Variants in INPP4B observed in about 807,000 individuals in gnomAD.
The protein encoded by INPP4B is inositol polyphosphate 4-phosphatase type II.
Under a neutral mutation model 122.5 loss-of-function variants are expected in INPP4B, and 55 were observed. The observed-to-expected ratio is 0.45, with a 90% CI of 0.36 to 0.56. The LOEUF (loss-of-function observed/expected upper bound fraction) is 0.56. INPP4B is among the 20% of genes least tolerant of loss of function. INPP4B has a pLI of 0.00. For missense variants in INPP4B, 1,000 were observed against 1,097.7 expected, an observed-to-expected ratio of 0.91 and a Z score of 1.26; for synonymous variants, 403 against 388.7, an observed-to-expected ratio of 1.04 and a Z score of -0.43.
intron 2 of INPP4B, among the ~76,000 whole-genome samples, chr4:142,645,706 A>T (rs1220420463): frequency 6.6e-6 from 1 of 152,200 alleles, no homozygotes; most frequent in African/African-American, 2.4e-5. Context: ...GAACGGTTAT[A>T]TCAGCTGTTG....
At chr4:142,749,722 A>G (rs1322356957) in intron 1 of INPP4B, among the ~76,000 whole-genome samples, 1 of 152,074 alleles carries the variant, frequency 6.6e-6, no homozygotes, top group Non-Finnish European at 1.5e-5. Context: ...AATAACCCAG[A>G]TAAGATTATA....
chr4:142,537,816 C>A (rs1444883290), intron 2 of INPP4B, among the ~76,000 whole-genome samples: 1 of 150,756 alleles, frequency 6.6e-6, no homozygotes, highest in African/African-American at 2.4e-5. Flanking sequence ...AGCAACTTAC[C>A]ACAGGAACCC....
chr4:142,292,389 G>A, intron 9 of INPP4B, among the ~76,000 whole-genome samples: 1 of 152,088 alleles, frequency 6.6e-6, no homozygotes, highest in Non-Finnish European at 1.5e-5. Flanking sequence ...GATACTAGAA[G>A]CAAACGTCAA....
chr4:142,521,538 G>A (rs1040146924), intron 2 of INPP4B, among the ~76,000 whole-genome samples: 2 of 151,980 alleles, frequency 1.3e-5, no homozygotes, highest in Non-Finnish European at 2.9e-5. Context: ...ACAGGCATTA[G>A]CACTTTGCCA....
At chr4:142,429,782 A>G (rs1271009032) in intron 4 of INPP4B, among the ~76,000 whole-genome samples, 1 of 152,074 alleles carries the variant, frequency 6.6e-6, no homozygotes, top group Non-Finnish European at 1.5e-5. Flanking sequence ...AAGATGGCTA[A>G]ATAATTTAAG....
chr4:142,720,803 CTCTCTCTA>C (rs1764512090), intron 2 of INPP4B, among the ~76,000 whole-genome samples: 1 of 18,674 alleles, frequency 5.4e-5, no homozygotes, highest in Non-Finnish European at 1.0e-4. Flanking sequence ...CTCTCTCTCT[CTCTCTCTA>C]TATATATATA....
chr4:142,514,655 TA>T (rs1025281108), intron 2 of INPP4B: 3 of 152,072 alleles, frequency 2.0e-5, no homozygotes, highest in Non-Finnish European at 4.4e-5. Flanking sequence ...CTTATCACAA[TA>T]ATAATATTAT....
At chr4:142,113,862 T>G (rs1791526586) in intron 21 of INPP4B, among the ~76,000 whole-genome samples, 1 of 152,050 alleles carries the variant, frequency 6.6e-6, no homozygotes, top group Non-Finnish European at 1.5e-5. Context: ...AATTCATAAT[T>G]TCAACAAATT....
chr4:142,601,582 A>C (rs1261060051), intron 2 of INPP4B, among the ~76,000 whole-genome samples: 1 of 127,994 alleles, frequency 7.8e-6, no homozygotes, highest in African/African-American at 3.0e-5. Flanking sequence ...CTCCTATGTC[A>C]AAAAAAAAAA....
At chr4:142,428,676 C>A (rs1808633539) in intron 5 of INPP4B, among the ~76,000 whole-genome samples, 1 of 151,992 alleles carries the variant, frequency 6.6e-6, no homozygotes, top group Non-Finnish European at 1.5e-5. Flanking sequence ...TTAAACAAGT[C>A]AAAGCTTGAT....
intron 2 of INPP4B, among the ~76,000 whole-genome samples, chr4:142,626,574 C>T (rs576706807): frequency 4.6e-5 from 7 of 152,066 alleles, no homozygotes; most frequent in Non-Finnish European, 7.4e-5. Flanking sequence ...GTTCCATGTA[C>T]GAATTAAACT....
chr4:142,110,378 T>A (rs1277376806), intron 22 of INPP4B, among the ~76,000 whole-genome samples: 1 of 152,150 alleles, frequency 6.6e-6, no homozygotes, highest in Non-Finnish European at 1.5e-5. Flanking sequence ...AGCCACCCAG[T>A]CTACAGTATT....
intron 1 of INPP4B, chr4:142,766,773 T>G (rs907299718): frequency 1.3e-5 from 2 of 152,168 alleles, no homozygotes; most frequent in Non-Finnish European, 2.9e-5. Flanking sequence ...GAATAGGATT[T>G]AGAGATTGTG....
chr4:142,165,516 A>C (rs1246708318), intron 16 of INPP4B, among the ~76,000 whole-genome samples: 1 of 151,796 alleles, frequency 6.6e-6, no homozygotes, highest in Non-Finnish European at 1.5e-5. Context: ...CTTGAACTAC[A>C]ATACAAATAC....
chr4:142,646,380 G>T (rs1751780703), intron 2 of INPP4B, among the ~76,000 whole-genome samples: 1 of 151,762 alleles, frequency 6.6e-6, no homozygotes, highest in Non-Finnish European at 1.5e-5. Context: ...AGAAAAACAA[G>T]AAAAAAAGAT....
At chr4:142,267,961 T>C (rs140878755) in intron 10 of INPP4B, among the ~76,000 whole-genome samples, 131 of 152,198 alleles carry the variant, frequency 8.6e-4, no homozygotes, top group Non-Finnish European at 1.3e-3. Context: ...CATTGCTGAT[T>C]ACCAGGAAAA....
At chr4:142,563,195 G>GA (rs1205674718) in intron 2 of INPP4B, among the ~76,000 whole-genome samples, 5 of 152,124 alleles carry the variant, frequency 3.3e-5, no homozygotes, top group Non-Finnish European at 5.9e-5. Context: ...ACAATGAAAG[G>GA]AAAAAATCAA....
chr4:142,210,693 G>T (rs1844508213), intron 12 of INPP4B, among the ~76,000 whole-genome samples: 1 of 152,134 alleles, frequency 6.6e-6, no homozygotes, highest in Admixed American at 6.5e-5. Context: ...TTTCAGCTTT[G>T]CTTTCAGTAT....
chr4:142,554,574 C>T (rs1449308306), intron 2 of INPP4B, among the ~76,000 whole-genome samples: 2 of 152,074 alleles, frequency 1.3e-5, no homozygotes, highest in Admixed American at 6.5e-5. Flanking sequence ...TTTGTTTTCG[C>T]TTCCCTTTCT....
Sources: allele counts gnomAD v4.1 joint callset (sites outside exome capture counted in the v4.1 genomes callset), GRCh38; gene constraint gnomAD v4.1.1; transcripts MANE v1.5; gene names NCBI Gene and HGNC (gene_info 2026-07-23, HGNC 2026-07-21).